Variants in FLG2 observed in about 807,000 individuals in gnomAD.
FLG2 encodes the protein filaggrin 2.
In FLG2, 7 loss-of-function variants were observed where a neutral mutation model predicts 3.9. That is an observed-to-expected ratio of 1.79 (90% CI 1.02 to 3.36). The LOEUF (loss-of-function observed/expected upper bound fraction) is 3.36. Among genes scored for constraint, FLG2 ranks in the 30% most tolerant of loss-of-function variants. FLG2 has a pLI of 0.00. For synonymous variants in FLG2, 1,031 were observed against 1,056.1 expected, an observed-to-expected ratio of 0.98 and a Z score of 0.46; for missense variants, 2,700 against 2,809.4, an observed-to-expected ratio of 0.96 and a Z score of 0.88.
At position 152,357,292 on chromosome 1, in the gene FLG2, T is replaced by C. The variant is rs756337463; in HGVS notation, c.494A>G (p.Gln165Arg). The C allele has an allele frequency of 1.9e-6, 3 of 1,614,086 alleles. No homozygotes were observed. The highest frequency in any genetic ancestry group is 2.5e-6 in the Non-Finnish European group (3 of 1,180,048). Reference protein sequence around the residue: ...HGSNSRRLGRQGNLSSSGNQE... With the variant: ...HGSNSRRLGRRGNLSSSGNQE... ...GTTCCCAGAGCTGGATAAATTACCT[T>C]GTCTTCCTAGCCTCCTGGAGTTGGA... The change falls in exon 3 of 3, where the codon CAA becomes CGA. Residue 165 changes from glutamine to arginine, a missense_variant. Physicochemically the swap from Gln to Arg is conservative, Grantham distance 43. Coordinates refer to ENST00000388718, the MANE Select transcript of FLG2 (RefSeq NM_001014342.3).
Position 152,351,556 on chromosome 1 carries a change from C to T in FLG2, c.6230G>A (p.Gly2077Glu), listed in dbSNP as rs145838203. 6.2e-7 allele frequency: 1 copy of T among 1,602,056 alleles called. No individual in the cohort carries two copies. Among genetic ancestry groups the T allele is most frequent in the African/African-American group, 1.4e-5 (1 of 70,876 alleles). ...AGAGTGAGCATGTCTAGTGGTATCT[C>T]CTGTCTGTCCATGAGTAGTTCCGTG... ...ERHGTTHGQT[G>E]DTTRHAHSGH... Residue 2077 changes from glycine (G) to glutamate (E), a missense_variant, in exon 3 of 3, where the codon GGA becomes GAA. Coordinates refer to ENST00000388718, the MANE Select transcript of FLG2 (RefSeq NM_001014342.3).
chr1:152,351,370 G>A lies in FLG2; in HGVS notation c.6416C>T (p.Ala2139Val), dbSNP rs767255975. Reference protein sequence around the residue: ...ARSQHGESGSAIHGRQGTIHG... With the variant: ...ARSQHGESGSVIHGRQGTIHG... ...TATAGTTCCCTGTCTCCCGTGAATG[G>A]CAGATCCTGACTCTCCATGTTGAGA... The change falls in exon 3 of 3, where the codon GCC (alanine) becomes GTC (valine). Residue 2139 changes from alanine to valine, a missense_variant. Physicochemically the swap from Ala to Val is moderately conservative, Grantham distance 64. Transcript: ENST00000388718. The A allele has an allele frequency of 2.5e-5, 41 of 1,613,558 alleles. No homozygotes were observed. Among genetic ancestry groups the A allele is most frequent in the Non-Finnish European group, 3.3e-5 (39 of 1,179,930 alleles).
Position 152,352,730 on chromosome 1 carries a change from A to C in FLG2, c.5056T>G (p.Ser1686Ala). The change falls in exon 3 of 3, where the codon TCC becomes GCC. Residue 1686 changes from serine (S) to alanine (A), a missense_variant. Physicochemically the swap from Ser to Ala is moderately conservative, Grantham distance 99. Transcript: ENST00000388718. ...GTTCCATGTCTCTCAGGAACTATGG[A>C]TTCTGACTGTCCATGTTGAGATCCA... ...QAGSQHGQSE[S>A]IVPERHGTTH... 6.2e-7 allele frequency: 1 copy of C among 1,613,366 alleles called. No individual in the cohort carries two copies. Among genetic ancestry groups the C allele is most frequent in the Non-Finnish European group, 8.5e-7 (1 of 1,179,896 alleles).
rs761320753 is a variant in FLG2 at position 152,351,424 on chromosome 1, T to C, written c.6362A>G (p.His2121Arg). ...SEVHSGVSHT[H>R]SGHTYGQARS... is the part of the protein sequence containing the mutation. ...GGCTTGGCCATAAGTGTGTCCTGAA[T>C]GTGTGTGTGAGACCCCTGAGTGCAC... The change falls in exon 3 of 3, where the codon CAT becomes CGT. Residue 2121 changes from histidine to arginine, a missense_variant. By Grantham distance (29) the His-to-Arg change is conservative (BLOSUM62 0). Transcript: ENST00000388718. 6.2e-7 allele frequency: 1 copy of C among 1,613,494 alleles called. No homozygotes were observed. Among genetic ancestry groups the C allele is most frequent in the Non-Finnish European group, 8.5e-7 (1 of 1,179,846 alleles).
rs768873017 is a variant in FLG2 at position 152,351,169 on chromosome 1, G to A, written c.6617C>T (p.Ser2206Phe). 3.7e-6 allele frequency: 6 copies of A among 1,613,890 alleles called. No homozygotes were observed. In the Admixed American group the frequency reaches 1.0e-4, roughly 27 times the overall value. ...HSGHTHSQAG[S>F]RHGQSGSSGH... Reference sequence around the variant, plus strand: ...TGAGGATCCTGACTGTCCATGTCGAGATCCGGCTTGGCTGTGAGTGTGTCC... The same window carrying A: ...TGAGGATCCTGACTGTCCATGTCGAAATCCGGCTTGGCTGTGAGTGTGTCC... Residue 2206 changes from serine to phenylalanine, a missense_variant, in exon 3 of 3, where the codon TCT becomes TTT. Physicochemically the swap from Ser to Phe is radical, Grantham distance 155. Transcript: ENST00000388718.
In FLG2 at chr1:152,352,876, T is replaced by C; in HGVS notation, c.4910A>G (p.Gln1637Arg). The change falls in exon 3 of 3, where the codon CAG becomes CGG. Residue 1637 changes from glutamine (Q) to arginine (R), a missense_variant. By Grantham distance (43) the Gln-to-Arg change is conservative. Transcript: ENST00000388718. ...TGTCCTGGACCCTCTCTGTGTGGAC[T>C]GTCCATGACCAGAGTGGGAATGTCC... ...TTGHSHSGHG[Q>R]STQRGSRTTG... 3 of 1,613,498 alleles carry C rather than the reference T, an allele frequency of 1.9e-6. No homozygotes were observed. The South Asian group carries it at 3.3e-5, about 18-fold the overall frequency.
At position 152,358,895 on chromosome 1, in the gene FLG2, G is replaced by A. The variant is rs766876791; in HGVS notation, c.-11C>T. On this transcript the variant is annotated 5_prime_UTR_variant, in exon 2 of 3. Transcript: ENST00000388718. ...CAAGAGGTCGGTCATCTTTTTGCAA[G>A]TTTAAGTGAACCTGGACACAGAAAA... 7 of 1,610,288 alleles carry A rather than the reference G, an allele frequency of 4.3e-6. No homozygotes were observed. In the Admixed American group the frequency reaches 6.7e-5, roughly 16 times the overall value.
At position 152,357,187 on chromosome 1, in the gene FLG2, C is replaced by G; in HGVS notation, c.599G>C (p.Ser200Thr). The G allele has an allele frequency of 6.2e-7, 1 of 1,614,166 alleles. No homozygotes were observed. The highest frequency in any genetic ancestry group is 8.5e-7 in the Non-Finnish European group (1 of 1,180,008). Residue 200 changes from serine to threonine, a missense_variant, in exon 3 of 3, where the codon AGC becomes ACC. Ser to Thr is a moderately conservative substitution (Grantham distance 58). Coordinates refer to ENST00000388718, the MANE Select transcript of FLG2 (RefSeq NM_001014342.3). ...TATTCTTTCTCTCAGTTCTACAGAG[C>G]TGGAACCATGTCTGTCTTTGCCACC... is the stretch of plus-strand genomic sequence containing the variant. ...WSGGKDRHGS[S>T]SVELRERINK...
chr1:152,355,466 T>A lies in FLG2; in HGVS notation c.2320A>T (p.Ser774Cys). The change falls in exon 3 of 3, where the codon AGT becomes TGT. Residue 774 changes from serine to cysteine, a missense_variant. By Grantham distance (112) the Ser-to-Cys change is moderately radical. Coordinates refer to ENST00000388718, the MANE Select transcript of FLG2 (RefSeq NM_001014342.3). The stretch of plus-strand genomic sequence containing the variant: ...CCAGATGACTGACTTGAGCCAGAAC[T>A]GTGTTGGCCATAGCTAGACTGACCT... ...RSGQSSYGQHSSGSSQSSGYG... is the reference protein window; with the variant it reads ...RSGQSSYGQHCSGSSQSSGYG... The A allele has an allele frequency of 6.2e-7, 1 of 1,605,520 alleles. No homozygotes were observed. The highest frequency in any genetic ancestry group is 8.5e-7 in the Non-Finnish European group (1 of 1,177,744).
intron 1 of FLG2, 57 bp from the exon 2 acceptor site, chr1:152,358,963 T>G: frequency 6.9e-7 from 1 of 1,454,226 alleles, no homozygotes; most frequent in Non-Finnish European, 9.2e-7. Context: ...TTATCAGCAA[T>G]TTTCATTTTA....
In FLG2 at chr1:152,353,282, TG is replaced by T. The variant is rs1654038128; in HGVS notation, c.4503del (p.His1501GlnfsTer35). ...SSTTGRRGSGHSESSDSEVHS... is the reference protein window; with the variant it reads ...SSTTGRRGSGXSESSDSEVHS... ...TGCACTTCACTGTCACTGGACTCAC[TG>T]TGGCCAGATCCCCTTCTTCCAGTTG... is the stretch of plus-strand genomic sequence containing the variant. On this transcript the variant is annotated frameshift_variant, in exon 3 of 3. Transcript: ENST00000388718. LOFTEE classifies it low-confidence loss of function (END_TRUNC). 6.4e-7 allele frequency: 1 copy of T among 1,568,510 alleles called. No homozygotes were observed. Among genetic ancestry groups the T allele is most frequent in the Non-Finnish European group, 8.6e-7 (1 of 1,156,412 alleles).
rs1255557962 is a variant in FLG2, at chr1:152,350,563, C to G, written c.*47G>C. The G allele has an allele frequency of 6.4e-7, 1 of 1,560,066 alleles. No individual in the cohort carries two copies. ...ATGATTTAAACTGTGTCTTCCTGTT[C>G]TTTTAGTTGCTTTGGATACTATAAG... On this transcript the variant is annotated 3_prime_UTR_variant, in exon 3 of 3. Transcript: ENST00000388718.
chr1:152,352,570 C>A lies in FLG2; in HGVS notation c.5216G>T (p.Gly1739Val), dbSNP rs1266734223. ...SEYSDSEGYS[G>V]VSHTHSGHTH... ...GTGTCCTGAATGTGTATGTGAGACT[C>A]CTGAGTACCCTTCACTGTCACTGTA... The change falls in exon 3 of 3, where the codon GGA becomes GTA. Residue 1739 changes from glycine (G) to valine (V), a missense_variant. Coordinates refer to ENST00000388718, the MANE Select transcript of FLG2 (RefSeq NM_001014342.3). 6.2e-7 allele frequency: 1 copy of A among 1,613,696 alleles called. No homozygotes were observed. Among genetic ancestry groups the A allele is most frequent in the South Asian group, 1.1e-5 (1 of 91,038 alleles).
rs551546042 is a variant in FLG2, at chr1:152,353,694, G to A, written c.4092C>T (p.His1364=). 3 of 1,611,892 alleles carry A rather than the reference G, an allele frequency of 1.9e-6. No individual in the cohort carries two copies. In the African/African-American group the frequency reaches 4.0e-5, roughly 22 times the overall value. ...EVHSGVSHRP[H]SQEQTHSQAG... is the part of the protein sequence containing the mutation. ...CTTGGCTGTGAGTTTGTTCTTGTGA[G>A]TGTGGTCTATGTGAGACCCCTGAGT... The change falls in exon 3 of 3, where the codon CAC becomes CAT. Residue 1364 remains histidine (H), a synonymous_variant. Coordinates refer to ENST00000388718, the MANE Select transcript of FLG2 (RefSeq NM_001014342.3).
Position 152,354,192 on chromosome 1 carries a change from G to A in FLG2, c.3594C>T (p.Asp1198=), listed in dbSNP as rs750322989. The A allele has an allele frequency of 1.7e-5, 27 of 1,614,192 alleles. No homozygotes were observed. Among genetic ancestry groups the A allele is most frequent in the Non-Finnish European group, 2.3e-5 (27 of 1,180,030 alleles). The change falls in exon 3 of 3, where the codon GAC becomes GAT. Residue 1198 remains aspartate, a synonymous_variant. Transcript: ENST00000388718. The part of the protein sequence containing the change: ...NFSSSGQHIS[D]SGQSTGFGQY... ...GGCCAAATCCAGTGGACTGACCTGA[G>A]TCAGATATATGTTGTCCAGAACTAG...
rs1483055781 is a variant in FLG2, at chr1:152,352,443, G to T, written c.5343C>A (p.Ala1781=). 6.2e-7 allele frequency: 1 copy of T among 1,611,214 alleles called. No homozygotes were observed. The highest frequency in any genetic ancestry group is 8.5e-7 in the Non-Finnish European group (1 of 1,179,348). The change falls in exon 3 of 3, where the codon GCC becomes GCA. Residue 1781 remains alanine (A), a synonymous_variant. Transcript: ENST00000388718. ...HGQTGDTTRH[A]HSGHGQSTQT... The stretch of plus-strand genomic sequence containing the variant: ...GTGTGGACTGTCCATGACCAGAGTG[G>T]GCATGTCTGGTGGTATCGCCTGTCT...
chr1:152,353,266 C>A lies in FLG2; in HGVS notation c.4520G>T (p.Ser1507Ile), dbSNP rs766381624. 6.4e-7 allele frequency: 1 copy of A among 1,568,560 alleles called. No homozygotes were observed. Among genetic ancestry groups the A allele is most frequent in the South Asian group, 1.2e-5 (1 of 85,996 alleles). ...GTGCGAGCCCCCTGAGTGCACTTCA[C>A]TGTCACTGGACTCACTGTGGCCAGA... ...RGSGHSESSDSEVHSGGSHTH... is the reference protein window; with the variant it reads ...RGSGHSESSDIEVHSGGSHTH... The change falls in exon 3 of 3, where the codon AGT becomes ATT. Residue 1507 changes from serine to isoleucine, a missense_variant. Transcript: ENST00000388718.
chr1:152,355,832 A>C lies in FLG2; in HGVS notation c.1954T>G (p.Ser652Ala). 6.2e-7 allele frequency: 1 copy of C among 1,612,780 alleles called. No homozygotes were observed. The highest frequency in any genetic ancestry group is 8.5e-7 in the Non-Finnish European group (1 of 1,179,758). The change falls in exon 3 of 3, where the codon TCC becomes GCC. Residue 652 changes from serine (S) to alanine (A), a missense_variant. Transcript: ENST00000388718. Reference protein sequence around the residue: ...FGQHGSGSSQSTGFGQYGSGS... With the variant: ...FGQHGSGSSQATGFGQYGSGS... ...GATCCATATTGGCCAAAGCCAGTGG[A>C]TTGACTTGAGCCTGACCCATGTTGT...
In FLG2 at chr1:152,353,334, T is replaced by C; in HGVS notation, c.4452A>G (p.Gly1484=). 1 of 1,613,036 alleles carries C rather than the reference T, an allele frequency of 6.2e-7. No individual in the cohort carries two copies. Among genetic ancestry groups the C allele is most frequent in the Non-Finnish European group, 8.5e-7 (1 of 1,179,788 alleles). ...DTTRHAHYHH[G]KSTQRGSSTT... Reference sequence around the variant, plus strand: ...TACTGGACCCTCTCTGTGTGGATTTTCCATGATGATAGTGGGCATGTCTAG... The same window carrying C: ...TACTGGACCCTCTCTGTGTGGATTTCCCATGATGATAGTGGGCATGTCTAG... Residue 1484 remains glycine, a synonymous_variant, in exon 3 of 3, where the codon GGA becomes GGG. Coordinates refer to ENST00000388718, the MANE Select transcript of FLG2 (RefSeq NM_001014342.3).
Sources: allele counts gnomAD v4.1 joint callset, GRCh38; gene constraint gnomAD v4.1.1; transcripts MANE v1.5; gene names NCBI Gene and HGNC (gene_info 2026-07-23, HGNC 2026-07-21).